RELA: variants seen among roughly 807,000 people sequenced by gnomAD.
RELA encodes the protein RELA proto-oncogene, NF-kB subunit, also known as transcription factor p65.
A neutral mutation model predicts 56.7 loss-of-function variants in RELA; 14 were observed. The ratio of observed to expected loss-of-function variants is 0.25; its 90% CI spans 0.16 to 0.39. The LOEUF (loss-of-function observed/expected upper bound fraction) is 0.39. Ranked by LOEUF, RELA falls within the 10% of genes least tolerant of loss-of-function variation. RELA has a pLI of 1.00. For missense variants in RELA, 559 were observed against 736.4 expected, an observed-to-expected ratio of 0.76 and a Z score of 2.79; for synonymous variants, 315 against 289.7, an observed-to-expected ratio of 1.09 and a Z score of -0.89.
Position 65,660,263 on chromosome 11 carries a change from C to T in RELA, c.336-48G>A, listed in dbSNP as rs371692303. ...CCCACTGTCTCTCACAGAGCCCAGA[C>T]CTTCCTGCCTTGCCCAGCCTGCTCC... is the stretch of plus-strand genomic sequence containing the variant. On this transcript the variant is annotated intron_variant, in intron 4 of 10. Transcript: ENST00000406246. 4 of 1,570,782 alleles carry T rather than the reference C, an allele frequency of 2.5e-6. No homozygotes were observed. The African/African-American group carries it at 4.1e-5, about 16-fold the overall frequency.
At position 65,658,824 on chromosome 11, in the gene RELA, T is replaced by C; in HGVS notation, c.560-2A>G. 1 of 1,613,564 alleles carries C rather than the reference T, an allele frequency of 6.2e-7. No individual in the cohort carries two copies. The highest frequency in any genetic ancestry group is 8.5e-7 in the Non-Finnish European group (1 of 1,179,668). On this transcript the variant is annotated splice_acceptor_variant, in intron 6 of 10. Coordinates refer to ENST00000406246, the MANE Select transcript of RELA (RefSeq NM_021975.4). LOFTEE classifies it high-confidence loss of function. This position sits in a 1 kb window ranked among gnomAD's most constrained non-coding sequence, Gnocchi z 4.5. ...TGAGCTCGGCAGTGTTGGGGGCACC[T>C]GAGGCAGTGAAAACAAGGGAGGATG...
intron 1 of RELA, 66 bp downstream of exon 1, chr11:65,662,760 G>A (rs1290025951): frequency 1.7e-6 from 2 of 1,170,788 alleles, no homozygotes; most frequent in Admixed American, 4.5e-5. Flanking sequence ...AAGCGGCGCG[G>A]GGGCTCCCGC....
At chr11:65,662,613 G>A (rs1313873473) in intron 1 of RELA, 4 of 376,452 alleles carry the variant, frequency 1.1e-5, no homozygotes, top group African/African-American at 6.3e-5. Flanking sequence ...ACCCAGGGAG[G>A]ATGCTGAGTC....
rs753158170 is a variant in RELA, at chr11:65,659,800, G to A, written c.428-3C>T. On this transcript the variant is annotated splice_region_variant and splice_polypyrimidine_tract_variant and intron_variant, in intron 5 of 10. Transcript: ENST00000406246. Reference sequence around the variant, plus strand: ...CCCACGCTGCTCTTCTATAGGAACTGCCAAGAAAACAGGCGATCAGGAGAG... The same window carrying A: ...CCCACGCTGCTCTTCTATAGGAACTACCAAGAAAACAGGCGATCAGGAGAG... The A allele has an allele frequency of 1.2e-6, 2 of 1,608,730 alleles. No homozygotes were observed. The highest frequency in any genetic ancestry group is 2.2e-5 in the East Asian group (1 of 44,782).
intron 5 of RELA, 75 bp from the exon 6 acceptor site, chr11:65,659,872 T>C (rs1856521089): frequency 2.6e-6 from 4 of 1,527,672 alleles, no homozygotes; most frequent in Admixed American, 3.9e-5. Context: ...CAGGGAGCTC[T>C]GCGCTGGGAG....
intron 4 of RELA, chr11:65,660,900 G>A (rs1167195098): frequency 2.0e-5 from 3 of 152,520 alleles, no homozygotes; most frequent in South Asian, 2.0e-4. Context: ...TTAGCCAGGC[G>A]TGGTGGCAGG....
At chr11:65,656,056 T>C in intron 8 of RELA, 121 bp from the exon 9 acceptor site, 2 of 801,276 alleles carry the variant, frequency 2.5e-6, no homozygotes, top group East Asian at 5.2e-5. Flanking sequence ...CTCCCAACCT[T>C]CTCTGCCAAT....
intron 4 of RELA, among the ~76,000 whole-genome samples, chr11:65,661,077 G>T (rs967904986): frequency 1.4e-5 from 2 of 145,618 alleles, no homozygotes; most frequent in African/African-American, 5.1e-5. Context: ...GTATCGCCCT[G>T]CCACCCAAGT....
intron 5 of RELA, 156 bp downstream of exon 5, chr11:65,659,968 T>G (rs1856523572): frequency 8.8e-7 from 1 of 1,141,396 alleles, no homozygotes; most frequent in Non-Finnish European, 1.3e-6. Flanking sequence ...TCATGTCCCC[T>G]CCTGGGACTC....
upstream of RELA, among the ~76,000 whole-genome samples, chr11:65,663,400 T>G (rs1178909573): frequency 2.6e-5 from 4 of 152,026 alleles, no homozygotes; most frequent in Non-Finnish European, 5.9e-5. Context: ...AGAAGCACGT[T>G]AAAATGTCCT....
chr11:65,662,344 G>A (rs1411015952), intron 1 of RELA, 139 bp from the exon 2 acceptor site: 7 of 1,000,058 alleles, frequency 7.0e-6, no homozygotes, highest in Non-Finnish European at 9.7e-6. Context: ...AACCTGCGGT[G>A]AAACTAAGGG....
At chr11:65,656,264 C>T (rs1344619546) in intron 8 of RELA, among the ~76,000 whole-genome samples, 1 of 152,228 alleles carries the variant, frequency 6.6e-6, no homozygotes, top group East Asian at 1.9e-4. Flanking sequence ...CATTGTCAGC[C>T]TCCACCCAGG....
At chr11:65,662,147 G>C (rs767696693) in intron 2 of RELA, 32 bp downstream of exon 2, 62 of 1,592,026 alleles carry the variant, frequency 3.9e-5, no homozygotes, top group Non-Finnish European at 5.0e-5. Flanking sequence ...ACCCCAGGGA[G>C]CACCTCCCCG....
intron 10 of RELA, 180 bp downstream of exon 10, chr11:65,655,508 C>T (rs146054171): frequency 1.5e-4 from 92 of 614,520 alleles, no homozygotes; most frequent in African/African-American, 1.4e-3. Flanking sequence ...TTAAGTGGCA[C>T]GGTGGTTCCC....
At chr11:65,657,206 C>T (rs1371532858) in intron 8 of RELA, among the ~76,000 whole-genome samples, 1 of 152,106 alleles carries the variant, frequency 6.6e-6, no homozygotes, top group Non-Finnish European at 1.5e-5. Context: ...GCATTCCAAG[C>T]AGAGGCAACA....
rs763729954 is a variant in RELA at position 65,655,713 on chromosome 11, G to A, written c.1008C>T (p.Arg336=). ...CTGGCTTGGGGACAGAAGCTGAGCT[G>A]CGGGAAGGCACAGCAATGCGTCGAG... is the stretch of plus-strand genomic sequence containing the variant. The part of the protein sequence containing the change: ...PPPRRIAVPS[R]SSASVPKPAP... The change falls in exon 10 of 11, where the codon CGC becomes CGT. Residue 336 remains arginine (R), a synonymous_variant. Coordinates refer to ENST00000406246, the MANE Select transcript of RELA (RefSeq NM_021975.4). 6.2e-7 allele frequency: 1 copy of A among 1,614,082 alleles called. No individual in the cohort carries two copies. The highest frequency in any genetic ancestry group is 1.7e-5 in the Admixed American group (1 of 60,010).
chr11:65,662,652 A>C, intron 1 of RELA, 174 bp downstream of exon 1: 2 of 412,054 alleles, frequency 4.9e-6, no homozygotes, highest in Non-Finnish European at 7.9e-6. Flanking sequence ...CCAGAGGGGA[A>C]ACTGAGTCAG....
chr11:65,659,874 C>T lies in RELA; in HGVS notation c.428-77G>A, dbSNP rs190958461. 693 of 1,522,144 alleles carry T rather than the reference C, an allele frequency of 4.6e-4. 6 individuals carry two copies. The highest frequency in any genetic ancestry group is 3.1e-4 in the Non-Finnish European group (349 of 1,131,122). The allele number at this position is 1,522,144 out of a possible 1,614,324, so 94.3% of individuals were successfully genotyped here. A position where few individuals can be genotyped will look rare whatever the true frequency, so the allele number is the denominator to read the frequency against. ...CTATCAGTGGGGGCAGGGAGCTCTG[C>T]GCTGGGAGGGCCGCTGGTGCGTGTG... On this transcript the variant is annotated intron_variant, in intron 5 of 10. Coordinates refer to ENST00000406246, the MANE Select transcript of RELA (RefSeq NM_021975.4).
rs943865772 is a variant in RELA, at chr11:65,658,934, G to C, written c.560-112C>G. On this transcript the variant is annotated intron_variant, in intron 6 of 10. Coordinates refer to ENST00000406246, the MANE Select transcript of RELA (RefSeq NM_021975.4). The surrounding 1 kb of genome is among the most constrained non-coding windows in gnomAD (Gnocchi z 4.5). The stretch of plus-strand genomic sequence containing the variant: ...CCAGAGTCAAGGTTGCCCAGAGCTT[G>C]CCACCTACACCTTTGTAGCCAAAGT... The C allele has an allele frequency of 2.4e-6, 2 of 825,418 alleles. No individual in the cohort carries two copies. Among genetic ancestry groups the C allele is most frequent in the African/African-American group, 3.3e-5 (2 of 59,708 alleles). 51.1% of individuals were successfully genotyped at this position (825,418 alleles called of 1,614,324 possible). A position where few individuals can be genotyped will look rare whatever the true frequency, so the allele number is the denominator to read the frequency against.
Sources: gnomAD v4.1 joint callset for allele counts (sites outside exome capture counted in the v4.1 genomes callset) on GRCh38, gnomAD v4.1.1 for gene constraint, Gnocchi (gnomAD v3.1) non-coding constraint, MANE v1.5 for transcripts, NCBI Gene and HGNC (gene_info 2026-07-23, HGNC 2026-07-21) for gene names.